Variants in CNKSR3 observed in about 807,000 individuals in gnomAD.
The protein encoded by CNKSR3 is connector enhancer of kinase suppressor of ras 3.
A neutral mutation model predicts 67.7 loss-of-function variants in CNKSR3; 36 were observed. That is an observed-to-expected ratio of 0.53 (90% CI 0.41 to 0.70). The LOEUF (loss-of-function observed/expected upper bound fraction) is 0.70. Ranked by LOEUF, CNKSR3 falls within the 30% of genes least tolerant of loss-of-function variation. CNKSR3 has a pLI of 0.00. For missense variants in CNKSR3, 630 were observed against 695.2 expected (o/e 0.91, Z 1.05); for synonymous variants, 281 against 271.4 (o/e 1.04, Z -0.35).
intron 1 of CNKSR3, among the ~76,000 whole-genome samples, chr6:154,491,080 C>G (rs1049288094): frequency 6.6e-6 from 1 of 152,132 alleles, no homozygotes; most frequent in Non-Finnish European, 1.5e-5. Flanking sequence ...CTCCCGACAT[C>G]AGGTGATCCG....
intron 1 of CNKSR3, among the ~76,000 whole-genome samples, chr6:154,498,660 C>A (rs908940898): frequency 6.6e-6 from 1 of 152,322 alleles, no homozygotes; most frequent in African/African-American, 2.4e-5. Context: ...CAGGGCCATT[C>A]CTGGTCTTTG....
chr6:154,498,228 ACT>A (rs1786915076), intron 1 of CNKSR3, among the ~76,000 whole-genome samples: 3 of 152,226 alleles, frequency 2.0e-5, no homozygotes, highest in African/African-American at 7.2e-5. Context: ...CTGATTAATT[ACT>A]ATGCAGCCAA....
At chr6:154,489,400 G>A (rs949429782) in intron 1 of CNKSR3, among the ~76,000 whole-genome samples, 5 of 152,028 alleles carry the variant, frequency 3.3e-5, no homozygotes, top group Non-Finnish European at 7.4e-5. Context: ...GTGTGGTGGC[G>A]CACGCCTGTA....
chr6:154,430,824 T>C (rs1031546428), intron 5 of CNKSR3, among the ~76,000 whole-genome samples: 5 of 152,158 alleles, frequency 3.3e-5, no homozygotes, highest in African/African-American at 1.2e-4. Flanking sequence ...AGCTCCTTTA[T>C]GGCCACTGAA....
intron 1 of CNKSR3, among the ~76,000 whole-genome samples, chr6:154,462,375 T>A (rs1786099107): frequency 6.6e-6 from 1 of 152,180 alleles, no homozygotes; most frequent in Non-Finnish European, 1.5e-5. Context: ...ATGTTTCACA[T>A]AATGGATCCT....
At chr6:154,477,462 C>T (rs1786476421) in intron 1 of CNKSR3, among the ~76,000 whole-genome samples, 1 of 146,720 alleles carries the variant, frequency 6.8e-6, no homozygotes, top group Admixed American at 7.0e-5. Flanking sequence ...AGGAGCACAC[C>T]ACAAAGCCCA....
In CNKSR3 at chr6:154,470,188, CTTTTTTTTTTTT is replaced by C. The variant is rs869154714; in HGVS notation, c.53-19942_53-19931del. 6.7e-4 allele frequency among the ~76,000 whole-genome samples: 46 copies of C among 68,754 alleles called. 1 individual carries two copies. The highest frequency in any genetic ancestry group is 2.4e-3 in the East Asian group (5 of 2,076). 45.1% of individuals were successfully genotyped at this position (68,754 alleles called of 152,430 possible). ...TGTAATAAAGAACCTACTTTCTTTC[CTTTTTTTTTTTT>C]TTTTTTTTTTTTTTTTTTGAGACAG... On this transcript the variant is annotated intron_variant, in intron 1 of 12. Transcript: ENST00000607772.
intron 1 of CNKSR3, among the ~76,000 whole-genome samples, chr6:154,456,249 G>C (rs1161322402): frequency 6.6e-6 from 1 of 152,002 alleles, no homozygotes; most frequent in Non-Finnish European, 1.5e-5. Context: ...GTTTTGCATT[G>C]AGTACTCTCA....
At chr6:154,449,011 G>A (rs1479377550) in intron 2 of CNKSR3, among the ~76,000 whole-genome samples, 2 of 152,130 alleles carry the variant, frequency 1.3e-5, no homozygotes, top group African/African-American at 2.4e-5. Context: ...AGGCAGACTT[G>A]AATCCCACCC....
At chr6:154,427,869 C>T (rs1785286482) in intron 7 of CNKSR3, among the ~76,000 whole-genome samples, 1 of 151,928 alleles carries the variant, frequency 6.6e-6, no homozygotes, top group Non-Finnish European at 1.5e-5. Context: ...TTCCAGTGTG[C>T]AAAAGGAATA....
chr6:154,454,187 CG>C (rs1237445213), intron 1 of CNKSR3, among the ~76,000 whole-genome samples: 1 of 150,042 alleles, frequency 6.7e-6, no homozygotes, highest in Non-Finnish European at 1.5e-5. Context: ...TCTTACTGAC[CG>C]GGTAACCTGG....
chr6:154,427,700 A>C (rs1435291310), intron 7 of CNKSR3, among the ~76,000 whole-genome samples: 1 of 152,236 alleles, frequency 6.6e-6, no homozygotes, highest in East Asian at 1.9e-4. Context: ...AACTATAAAA[A>C]TATGTTGTAA....
At chr6:154,462,685 C>T (rs1480819457) in intron 1 of CNKSR3, among the ~76,000 whole-genome samples, 1 of 152,174 alleles carries the variant, frequency 6.6e-6, no homozygotes, top group African/African-American at 2.4e-5. Context: ...TGTGAGGTCC[C>T]ATCTACCTAG....
rs184475841 is a variant in CNKSR3 at position 154,431,254 on chromosome 6, A to G, written c.550-663T>C. Among the ~76,000 whole-genome samples the G allele has an allele frequency of 6.5e-3, 980 of 151,782 alleles. 7 individuals carry two copies. The highest frequency in any genetic ancestry group is 6.7e-3 in the Non-Finnish European group (458 of 67,912). ...AAGTCAGGAGTTCAAGACCAGCCTG[A>G]CCAATATGGCAAAACTCCATCTCTA... On this transcript the variant is annotated intron_variant, in intron 5 of 12. Coordinates refer to ENST00000607772, the MANE Select transcript of CNKSR3 (RefSeq NM_173515.4).
At chr6:154,431,357 T>C (rs1321970343) in intron 5 of CNKSR3, among the ~76,000 whole-genome samples, 1 of 150,444 alleles carries the variant, frequency 6.6e-6, no homozygotes, top group Admixed American at 6.7e-5. Context: ...GGCTGCAGAA[T>C]TGCTTGAACC....
At chr6:154,423,420 T>C (rs9479847) in intron 7 of CNKSR3, among the ~76,000 whole-genome samples, 19,115 of 152,162 alleles carry the variant, frequency 0.13, 1,761 homozygotes, top group African/African-American at 0.27. Flanking sequence ...GCTGCCACCA[T>C]GCCCAGCTAA....
chr6:154,466,708 C>T (rs1786206833), intron 1 of CNKSR3, among the ~76,000 whole-genome samples: 1 of 151,928 alleles, frequency 6.6e-6, no homozygotes, highest in East Asian at 1.9e-4. Context: ...CAGCCTCCAC[C>T]TCCCAGGCTC....
intron 1 of CNKSR3, among the ~76,000 whole-genome samples, chr6:154,508,293 AT>A (rs1787143492): frequency 6.6e-6 from 1 of 152,224 alleles, no homozygotes; most frequent in African/African-American, 2.4e-5. Context: ...TCCACATGTA[AT>A]AAAAAGTATT....
chr6:154,433,552 A>G (rs1470241738), intron 4 of CNKSR3, 45 bp from the exon 5 acceptor site: 10 of 1,446,120 alleles, frequency 6.9e-6, no homozygotes, highest in Non-Finnish European at 9.6e-6. Context: ...ACAAGAGTTA[A>G]AAACGTTCAG....
Sources: allele counts gnomAD v4.1 joint callset (sites outside exome capture counted in the v4.1 genomes callset), GRCh38; gene constraint gnomAD v4.1.1; transcripts MANE v1.5; gene names NCBI Gene and HGNC (gene_info 2026-07-23, HGNC 2026-07-21).